PKIG: variants seen among roughly 807,000 people sequenced by gnomAD.
PKIG encodes cAMP-dependent protein kinase inhibitor gamma, also known as protein kinase (cAMP-dependent, catalytic) inhibitor gamma.
A neutral mutation model predicts 6.8 loss-of-function variants in PKIG; 1 was observed. The ratio of observed to expected loss-of-function variants is 0.15; its 90% CI spans 0.05 to 0.69. The LOEUF (loss-of-function observed/expected upper bound fraction) is 0.69, where lower values mean the gene tolerates loss of function less well. Among genes scored for constraint, PKIG ranks in the 30% least tolerant of loss-of-function variants. The pLI is 0.82. For missense variants in PKIG, 77 were observed against 104.0 expected (o/e 0.74, Z 1.13); for synonymous variants, 39 against 43.0 (o/e 0.91, Z 0.36).
chr20:44,551,086 G>T (rs768584378), intron 1 of PKIG, among the ~76,000 whole-genome samples: 3 of 150,914 alleles, frequency 2.0e-5, no homozygotes, highest in Non-Finnish European at 4.4e-5. Context: ...TTTTTGAGAC[G>T]GAGTCTTGCT....
intron 1 of PKIG, among the ~76,000 whole-genome samples, chr20:44,574,209 A>G (rs900520033): frequency 6.6e-6 from 1 of 152,132 alleles, no homozygotes; most frequent in Non-Finnish European, 1.5e-5. Flanking sequence ...TGTAATAAAA[A>G]CCATCTGTTC....
chr20:44,540,446 C>G (rs1288940279), intron 1 of PKIG, among the ~76,000 whole-genome samples: 1 of 152,120 alleles, frequency 6.6e-6, no homozygotes, highest in East Asian at 1.9e-4. Context: ...ACCAATTAAC[C>G]AAAATTAATT....
chr20:44,588,418 G>T (rs2065007586), intron 1 of PKIG, among the ~76,000 whole-genome samples: 2 of 151,878 alleles, frequency 1.3e-5, no homozygotes, highest in South Asian at 4.2e-4. Context: ...AAGGCGAGTG[G>T]ATCACCTGAG....
intron 1 of PKIG, among the ~76,000 whole-genome samples, chr20:44,556,369 T>A (rs2064713103): frequency 6.6e-6 from 1 of 152,166 alleles, no homozygotes; most frequent in Non-Finnish European, 1.5e-5. Flanking sequence ...TTTGTTTGTT[T>A]GTTTGTTTTT....
intron 1 of PKIG, among the ~76,000 whole-genome samples, chr20:44,573,877 AT>A (rs1346091580): frequency 6.6e-6 from 1 of 152,212 alleles, no homozygotes; most frequent in Non-Finnish European, 1.5e-5. Context: ...TATTCAGTTT[AT>A]AGATGTAGAG....
At chr20:44,549,864 G>A (rs1271100212) in intron 1 of PKIG, among the ~76,000 whole-genome samples, 1 of 151,962 alleles carries the variant, frequency 6.6e-6, no homozygotes, top group Non-Finnish European at 1.5e-5. Context: ...TGACAGAAAA[G>A]TTTTGGATTT....
In PKIG at chr20:44,618,549, A is replaced by C; in HGVS notation, c.*185A>C. On this transcript the variant is annotated 3_prime_UTR_variant, in exon 4 of 4. Coordinates refer to ENST00000372886, the MANE Select transcript of PKIG (RefSeq NM_001281445.2). ...GGGAAAGCCCTCTGCCCACACCCAC[A>C]GGCTTCACATTCCCACCACCTTCGC... 1.8e-6 allele frequency: 1 copy of C among 563,598 alleles called. No individual in the cohort carries two copies. Among genetic ancestry groups the C allele is most frequent in the South Asian group, 1.9e-5 (1 of 51,354 alleles). The allele number at this position is 563,598 out of a possible 1,614,324, so 34.9% of individuals were successfully genotyped here. A position where few individuals can be genotyped will look rare whatever the true frequency, so the allele number is the denominator to read the frequency against.
chr20:44,550,039 A>T (rs1001002302), intron 1 of PKIG, among the ~76,000 whole-genome samples: 8 of 151,270 alleles, frequency 5.3e-5, no homozygotes, highest in Non-Finnish European at 1.2e-4. Flanking sequence ...GGGGAATTTT[A>T]TCTAGCACCT....
intron 2 of PKIG, chr20:44,598,897 G>C (rs1425430863): frequency 6.6e-6 from 1 of 152,186 alleles, no homozygotes; most frequent in African/African-American, 2.4e-5. Context: ...GGAGGTAAGA[G>C]TTTTAAAAAA....
chr20:44,585,929 T>C (rs1161729296), intron 1 of PKIG, among the ~76,000 whole-genome samples: 5 of 151,912 alleles, frequency 3.3e-5, no homozygotes, highest in African/African-American at 1.2e-4. Flanking sequence ...TCGAGTTCAG[T>C]GAGAAATTGG....
intron 1 of PKIG, among the ~76,000 whole-genome samples, chr20:44,583,542 T>A (rs76372462): frequency 0.012 from 1,803 of 152,276 alleles, 25 homozygotes; most frequent in African/African-American, 0.042. Context: ...GCTTGCAGTG[T>A]GCTAACAGGG....
At chr20:44,551,443 A>G (rs569401208) in intron 1 of PKIG, among the ~76,000 whole-genome samples, 1 of 152,298 alleles carries the variant, frequency 6.6e-6, no homozygotes, top group East Asian at 1.9e-4. Flanking sequence ...GACAAAAAGG[A>G]GTGGAGTTCT....
chr20:44,575,752 C>T (rs567671734), intron 1 of PKIG, among the ~76,000 whole-genome samples: 1 of 152,142 alleles, frequency 6.6e-6, no homozygotes, highest in Non-Finnish European at 1.5e-5. Context: ...TTTAAAGAGG[C>T]CTCCTGTCTT....
At chr20:44,574,702 C>G (rs1374928837) in intron 1 of PKIG, among the ~76,000 whole-genome samples, 1 of 151,768 alleles carries the variant, frequency 6.6e-6, no homozygotes, top group Non-Finnish European at 1.5e-5. Flanking sequence ...GCCTCCCAGG[C>G]AGGTGGGACT....
chr20:44,545,326 T>C (rs2064603492), intron 1 of PKIG, among the ~76,000 whole-genome samples: 1 of 151,912 alleles, frequency 6.6e-6, no homozygotes. Context: ...CCAGCCTGTT[T>C]AGTTTTATTA....
chr20:44,618,184 C>G, intron 3 of PKIG, 101 bp from the exon 4 acceptor site: 1 of 790,452 alleles, frequency 1.3e-6, no homozygotes, highest in Admixed American at 1.7e-5. Context: ...CTCCCCAGGG[C>G]ATATCCACTG....
chr20:44,546,570 TGAGACAGAGTCTTAC>T (rs2064616300), intron 1 of PKIG, among the ~76,000 whole-genome samples: 4 of 151,516 alleles, frequency 2.6e-5, no homozygotes, highest in Admixed American at 6.6e-5. Flanking sequence ...CTTTTTTTTT[TGAGACAGAGTCTTAC>T]TTTGTTGCTT....
Position 44,587,884 on chromosome 20 carries a change from C to G in PKIG, c.-93-1913C>G, listed in dbSNP as rs189177996. 4.5e-4 allele frequency among the ~76,000 whole-genome samples: 68 copies of G among 152,328 alleles called. 1 individual carries two copies. Among genetic ancestry groups the G allele is most frequent in the Admixed American group, 7.8e-4 (12 of 15,304 alleles). ...ATCTGCAATTGGTTAGAGCCTGCGG[C>G]CATCATTTATACTTTCCTGGACGTG... is the stretch of plus-strand genomic sequence containing the variant. On this transcript the variant is annotated intron_variant, in intron 1 of 3. Transcript: ENST00000372886.
chr20:44,552,202 A>G (rs1368426870), intron 1 of PKIG, among the ~76,000 whole-genome samples: 1 of 152,158 alleles, frequency 6.6e-6, no homozygotes, highest in Non-Finnish European at 1.5e-5. Flanking sequence ...ACTTATCTCA[A>G]ATGCCACGTT....
Sources: gnomAD v4.1 joint callset for allele counts (sites outside exome capture counted in the v4.1 genomes callset) on GRCh38, gnomAD v4.1.1 for gene constraint, MANE v1.5 for transcripts, NCBI Gene and HGNC (gene_info 2026-07-23, HGNC 2026-07-21) for gene names.